Variants in ZNF600 observed in about 807,000 individuals in gnomAD.
ZNF600 encodes the protein zinc finger protein KR-ZNF1.
Under a neutral mutation model 7.3 loss-of-function variants are expected in ZNF600, and 4 were observed. That is an observed-to-expected ratio of 0.55 (90% confidence interval 0.27 to 1.25). The LOEUF is 1.25. Ranked by LOEUF, ZNF600 falls within the 50% of genes most tolerant of loss-of-function variation. The pLI, the probability that ZNF600 is intolerant of heterozygous loss-of-function variation, is 0.12. For missense variants in ZNF600, 911 were observed against 922.1 expected (o/e 0.99, Z 0.16); for synonymous variants, 290 against 308.9 (o/e 0.94, Z 0.64).
chr19:52,810,768 T>TTAA, the ZNF600 span: 9 of 437,306 alleles, frequency 2.1e-5, no homozygotes, highest in Admixed American at 1.3e-4. Context: ...AAAAAAAGAA[T>TTAA]AAAAAAAAAC....
At chr19:52,809,792 G>GA in the ZNF600 span, 55 of 501,004 alleles carry the variant, frequency 1.1e-4, no homozygotes, top group South Asian at 1.6e-4. Flanking sequence ...GTGACAGAGC[G>GA]AAAAAAAAGG....
the ZNF600 span, chr19:52,810,204 G>A: frequency 4.7e-6 from 5 of 1,061,170 alleles, no homozygotes; most frequent in Admixed American, 8.5e-5. Flanking sequence ...GAAGCTAAAG[G>A]AGCTACAGAA....
chr19:52,815,923 A>G, the ZNF600 span, among the ~76,000 whole-genome samples: 1 of 147,446 alleles, frequency 6.8e-6, no homozygotes, highest in African/African-American at 2.6e-5. Context: ...TCTGTAACAA[A>G]CCTTCACATG....
chr19:52,767,385 G>A, exon 4 of ZNF600: 1 of 1,614,050 alleles, frequency 6.2e-7, no homozygotes, highest in South Asian at 1.1e-5. Flanking sequence ...AATTCTTTGG[G>A]ATGTTGAAAC....
chr19:52,814,478 C>T, the ZNF600 span: 2 of 145,862 alleles, frequency 1.4e-5, no homozygotes, highest in Non-Finnish European at 1.5e-5. Context: ...ACTATAATCC[C>T]AGCTACTTAG....
chr19:52,766,172 A>G lies in ZNF600; in HGVS notation c.1791T>C (p.Cys597=), dbSNP rs1245808039. The G allele has an allele frequency of 5.0e-6, 8 of 1,614,032 alleles. No individual in the cohort carries two copies. The East Asian group carries it at 1.3e-4, about 27-fold the overall frequency. The stretch of plus-strand genomic sequence containing the variant: ...GACTGAAGGTCTTGCTGCACTCATT[A>G]CACTTGTAAGGTTTCTCACCACTAT... The change falls in exon 4 of 4, where the codon TGT becomes TGC. Residue 597 remains cysteine, a synonymous_variant. Transcript: ENST00000648973.
At chr19:52,770,826 A>G (rs2062624568) in intron 3 of ZNF600, among the ~76,000 whole-genome samples, 1 of 151,830 alleles carries the variant, frequency 6.6e-6, no homozygotes, top group South Asian at 2.1e-4. Flanking sequence ...TTTTAATTGT[A>G]TTTTTTCTTT....
chr19:52,782,254 C>A (rs2062728606), intron 1 of ZNF600, among the ~76,000 whole-genome samples: 1 of 152,060 alleles, frequency 6.6e-6, no homozygotes, highest in African/African-American at 2.4e-5. Flanking sequence ...CTGGACGCAG[C>A]AGCTCATGCC....
exon 4 of ZNF600, chr19:52,766,875 C>T: frequency 6.2e-7 from 1 of 1,614,144 alleles, no homozygotes; most frequent in Non-Finnish European, 8.5e-7. Context: ...AGTATGAATT[C>T]TACGATGACG....
the ZNF600 span, among the ~76,000 whole-genome samples, chr19:52,794,722 G>A: frequency 2.4e-3 from 371 of 152,248 alleles, 3 homozygotes; most frequent in African/African-American, 7.9e-3. Context: ...AGGTCTGGTG[G>A]TGTGCATCTG....
chr19:52,794,198 A>C, the ZNF600 span, among the ~76,000 whole-genome samples: 1 of 152,142 alleles, frequency 6.6e-6, no homozygotes, highest in Admixed American at 6.6e-5. Context: ...AGAGACAAGA[A>C]TAAGTTCAAG....
At chr19:52,814,224 G>A in the ZNF600 span, 3 of 146,122 alleles carry the variant, frequency 2.1e-5, no homozygotes, top group Non-Finnish European at 4.4e-5. Flanking sequence ...CTAAGCTGCA[G>A]CTTTCTTGGA....
the ZNF600 span, among the ~76,000 whole-genome samples, chr19:52,795,379 G>C: frequency 6.6e-6 from 1 of 151,948 alleles, no homozygotes; most frequent in Non-Finnish European, 1.5e-5. Flanking sequence ...AGACTAGAAA[G>C]CATGCAGTCC....
chr19:52,826,478 T>G, the ZNF600 span, among the ~76,000 whole-genome samples: 1 of 151,840 alleles, frequency 6.6e-6, no homozygotes, highest in Non-Finnish European at 1.5e-5. Context: ...GAGGATGAGG[T>G]GGAAAGATCA....
intron 3 of ZNF600, among the ~76,000 whole-genome samples, chr19:52,771,291 T>G (rs774197358): frequency 6.6e-6 from 1 of 152,182 alleles, no homozygotes; most frequent in Non-Finnish European, 1.5e-5. Context: ...ATTTCCCATT[T>G]TCCAGATTCA....
intron 3 of ZNF600, among the ~76,000 whole-genome samples, chr19:52,774,339 G>A (rs2062654764): frequency 6.6e-6 from 1 of 151,410 alleles, no homozygotes; most frequent in Admixed American, 6.6e-5. Context: ...TGAGGCAGGA[G>A]AATTGCTTGA....
the ZNF600 span, among the ~76,000 whole-genome samples, chr19:52,802,357 G>A: frequency 1.4e-5 from 2 of 146,028 alleles, no homozygotes; most frequent in Non-Finnish European, 3.0e-5. Flanking sequence ...GACAAAATGA[G>A]CCTCCATCTC....
chr19:52,796,363 T>C, the ZNF600 span, among the ~76,000 whole-genome samples: 1 of 152,108 alleles, frequency 6.6e-6, no homozygotes, highest in Non-Finnish European at 1.5e-5. Context: ...ATTGTTCCGG[T>C]CTGGAAAGGT....
chr19:52,776,961 T>G (rs2147536834), intron 2 of ZNF600, among the ~76,000 whole-genome samples: 1 of 152,052 alleles, frequency 6.6e-6, no homozygotes, highest in African/African-American at 2.4e-5. Context: ...CCCACTGCAC[T>G]CCTGCCTGGA....
Sources: gnomAD v4.1 joint callset for allele counts (sites outside exome capture counted in the v4.1 genomes callset) on GRCh38, gnomAD v4.1.1 for gene constraint, MANE v1.5 for transcripts, NCBI Gene and HGNC (gene_info 2026-07-23, HGNC 2026-07-21) for gene names.